The following AXL variants were observed in gnomAD, a reference collection of about 807,000 sequenced individuals.
The protein encoded by AXL is AXL receptor tyrosine kinase.
A neutral mutation model predicts 104.5 loss-of-function variants in AXL; 52 were observed. The observed-to-expected ratio is 0.50, with a 90% CI of 0.40 to 0.63. The LOEUF (loss-of-function observed/expected upper bound fraction) is 0.63. Among genes scored for constraint, AXL ranks in the 20% least tolerant of loss-of-function variants. AXL has a pLI of 0.00. For synonymous variants in AXL, 455 were observed against 473.7 expected, an observed-to-expected ratio of 0.96 and a Z score of 0.51; for missense variants, 1,024 against 1,188.5, an observed-to-expected ratio of 0.86 and a Z score of 2.04.
In AXL at chr19:41,219,407, C is replaced by G; in HGVS notation, c.15C>G (p.Cys5Trp). ...GTTTGGCACCCATGGCGTGGCGGTGCCCCAGGATGGGCAGGGTCCCGCTGG... is the reference window on the plus strand; with the variant it reads ...GTTTGGCACCCATGGCGTGGCGGTGGCCCAGGATGGGCAGGGTCCCGCTGG... MAWR[C>W]PRMGRVPLAW... The change falls in exon 1 of 20, where the codon TGC (cysteine) becomes TGG (tryptophan). Residue 5 changes from cysteine (C) to tryptophan (W), a missense_variant. Cys to Trp is a radical substitution (Grantham distance 215). This residue lies in a region of AXL where 124 missense variants were observed against 115.5 expected (regional missense o/e 1.07). Coordinates refer to ENST00000301178, the MANE Select transcript of AXL (RefSeq NM_021913.5). 6 of 1,601,678 alleles carry G rather than the reference C, an allele frequency of 3.7e-6. No homozygotes were observed. Among genetic ancestry groups the G allele is most frequent in the Non-Finnish European group, 4.3e-6 (5 of 1,174,558 alleles).
chr19:41,220,448 T>C lies in AXL; in HGVS notation c.86-188T>C, dbSNP rs572866677. The stretch of plus-strand genomic sequence containing the variant: ...GGGATGGACGCTAGATCCCAGTCCC[T>C]TGGGAGGGCTCCCGTCCTCCTCTCA... On this transcript the variant is annotated intron_variant, in intron 1 of 19. Coordinates refer to ENST00000301178, the MANE Select transcript of AXL (RefSeq NM_021913.5). 7.6e-4 allele frequency: 445 copies of C among 587,526 alleles called. 1 individual carries two copies. The highest frequency in any genetic ancestry group is 7.4e-3 in the African/African-American group (396 of 53,526). 36.4% of individuals were successfully genotyped at this position (587,526 alleles called of 1,614,324 possible). A position where few individuals can be genotyped will look rare whatever the true frequency, so the allele number is the denominator to read the frequency against.
At chr19:41,249,616 C>T (rs995150225) in intron 14 of AXL, among the ~76,000 whole-genome samples, 2 of 152,000 alleles carry the variant, frequency 1.3e-5, no homozygotes, top group Non-Finnish European at 2.9e-5. Flanking sequence ...ATTAGCCAGG[C>T]GTGGTGGCAG....
In AXL at chr19:41,256,518, C is replaced by G. The variant is rs1348166719; in HGVS notation, c.2103C>G (p.Asp701Glu). The G allele has an allele frequency of 6.2e-7, 1 of 1,614,054 alleles. No individual in the cohort carries two copies. Among genetic ancestry groups the G allele is most frequent in the East Asian group, 2.2e-5 (1 of 44,896 alleles). ...FGLSKKIYNG[D>E]YYRQGRIAKM... is the part of the protein sequence containing the mutation. ...TCTCCAAGAAGATCTACAATGGGGA[C>G]TACTACCGCCAGGGACGTATCGCCA... is the stretch of plus-strand genomic sequence containing the variant. Residue 701 changes from aspartate (D) to glutamate (E), a missense_variant, in exon 18 of 20, where the codon GAC becomes GAG. This residue lies in a region of AXL where 523 missense variants were observed against 636.0 expected (regional missense o/e 0.82). Coordinates refer to ENST00000301178, the MANE Select transcript of AXL (RefSeq NM_021913.5).
intron 8 of AXL, 39 bp from the exon 9 acceptor site, chr19:41,239,125 G>T (rs566859038): frequency 6.2e-7 from 1 of 1,609,868 alleles, no homozygotes; most frequent in Non-Finnish European, 8.5e-7. Flanking sequence ...ACAGCTGGGG[G>T]GTAAGGTTCT....
rs569530972 is a variant in AXL, at chr19:41,230,343, G to A, written c.587-624G>A. Among the ~76,000 whole-genome samples, 5 of 151,108 alleles carry A rather than the reference G, an allele frequency of 3.3e-5. No homozygotes were observed. The East Asian group carries it at 5.9e-4, about 18-fold the overall frequency. On this transcript the variant is annotated intron_variant, in intron 4 of 19. Transcript: ENST00000301178. ...AGAATGTGTGTGTGTGTGTGTATGC[G>A]CCTGTGCCTGTGTGTGTGTCTGAGC...
intron 4 of AXL, among the ~76,000 whole-genome samples, chr19:41,230,157 GTGTC>G (rs2033952525): frequency 7.0e-6 from 1 of 142,716 alleles, no homozygotes; most frequent in South Asian, 2.2e-4. Context: ...GTCTGTTTCT[GTGTC>G]TGTGTCTGTG....
chr19:41,261,509 C>A lies in AXL; in HGVS notation c.*1605C>A, dbSNP rs751403022. On this transcript the variant is annotated 3_prime_UTR_variant, in exon 20 of 20. Coordinates refer to ENST00000301178, the MANE Select transcript of AXL (RefSeq NM_021913.5). ...ATTAGGTGCAATTTCAAGGTTCTAA[C>A]CCTATACTGTAGTATTCTTTGGGGT... 1.3e-5 allele frequency: 2 copies of A among 152,440 alleles called. No individual in the cohort carries two copies. Among genetic ancestry groups the A allele is most frequent in the African/African-American group, 4.8e-5 (2 of 41,466 alleles). The allele number at this position is 152,440 out of a possible 1,614,324, so 9.4% of individuals were successfully genotyped here. A position where few individuals can be genotyped will look rare whatever the true frequency, so the allele number is the denominator to read the frequency against.
chr19:41,227,992 A>G (rs970762778), intron 4 of AXL, among the ~76,000 whole-genome samples: 1 of 152,154 alleles, frequency 6.6e-6, no homozygotes, highest in Non-Finnish European at 1.5e-5. Flanking sequence ...ACGGCATGCA[A>G]TTTAAAACTT....
In AXL at chr19:41,252,838, G is replaced by A; in HGVS notation, c.1805-8G>A. ...AGCAGGAGTGACAGGGCTACCTGGG[G>A]GGCTCAGGTGTCTGTTTCCAGGGTT... On this transcript the variant is annotated splice_polypyrimidine_tract_variant and splice_region_variant and intron_variant, in intron 15 of 19. Transcript: ENST00000301178. 6.2e-7 allele frequency: 1 copy of A among 1,613,706 alleles called. No homozygotes were observed. Among genetic ancestry groups the A allele is most frequent in the South Asian group, 1.1e-5 (1 of 91,052 alleles).
chr19:41,221,826 G>A (rs549291450), intron 3 of AXL, 54 bp from the exon 4 acceptor site: 3 of 1,578,470 alleles, frequency 1.9e-6, no homozygotes, highest in African/African-American at 2.7e-5. Flanking sequence ...TGGTGAGTCA[G>A]GCATCTTGGG....
chr19:41,239,755 AC>A (rs771826779), intron 10 of AXL, 35 bp downstream of exon 10: 33 of 1,612,040 alleles, frequency 2.0e-5, no homozygotes, highest in Non-Finnish European at 2.7e-5. Flanking sequence ...CTCCTTCCCT[AC>A]CCTCAACACC....
chr19:41,257,367 C>T, intron 18 of AXL, 126 bp from the exon 19 acceptor site: 1 of 1,310,490 alleles, frequency 7.6e-7, no homozygotes, highest in Middle Eastern at 2.5e-4. Context: ...TCTATGAATA[C>T]TTGTGATGCT....
Position 41,254,389 on chromosome 19 carries a change from AAAAAG to A in AXL, c.2036+685_2036+689del, listed in dbSNP as rs1193347250. On this transcript the variant is annotated intron_variant, in intron 17 of 19. Transcript: ENST00000301178. Reference sequence around the variant, plus strand: ...AAGACTCTGTCTCAAAAAAAAAAAAAAAAAGAAAGAAAGAAAGAAAGAAAGAAAAA... The same window carrying A: ...AAGACTCTGTCTCAAAAAAAAAAAAAAAAGAAAGAAAGAAAGAAAGAAAAA... Among the ~76,000 whole-genome samples, 515 of 149,988 alleles carry A rather than the reference AAAAAG, an allele frequency of 3.4e-3. 2 individuals carry two copies. The highest frequency in any genetic ancestry group is 0.012 in the African/African-American group (475 of 40,704).
chr19:41,235,878 G>C (rs946711762), intron 6 of AXL, among the ~76,000 whole-genome samples: 1 of 152,198 alleles, frequency 6.6e-6, no homozygotes, highest in Non-Finnish European at 1.5e-5. Flanking sequence ...CATGTTGGAC[G>C]TGTTTTATCT....
intron 6 of AXL, among the ~76,000 whole-genome samples, chr19:41,237,277 C>G (rs1343103804): frequency 6.6e-6 from 1 of 152,172 alleles, no homozygotes; most frequent in Non-Finnish European, 1.5e-5. Flanking sequence ...GAGTCTTGCT[C>G]TGTTACCCAG....
chr19:41,239,892 A>G (rs1019563991), intron 10 of AXL, among the ~76,000 whole-genome samples, 172 bp downstream of exon 10: 14 of 152,190 alleles, frequency 9.2e-5, no homozygotes, highest in African/African-American at 3.4e-4. Context: ...GGCCTAGCAT[A>G]GCACATTGTA....
chr19:41,233,625 G>A (rs2034030858), intron 6 of AXL, among the ~76,000 whole-genome samples: 2 of 147,190 alleles, frequency 1.4e-5, no homozygotes, highest in South Asian at 4.3e-4. Flanking sequence ...GTAAGACTCT[G>A]TCTGAGAAAA....
At chr19:41,250,720 T>A (rs1359571350) in intron 14 of AXL, among the ~76,000 whole-genome samples, 1 of 152,106 alleles carries the variant, frequency 6.6e-6, no homozygotes, top group East Asian at 1.9e-4. Context: ...GGATTACAGG[T>A]GTGAGCCACC....
chr19:41,251,932 T>G (rs1187838043), intron 14 of AXL, among the ~76,000 whole-genome samples: 1 of 150,330 alleles, frequency 6.7e-6, no homozygotes, highest in Non-Finnish European at 1.5e-5. Context: ...GCTAACAAGG[T>G]GAAACCCCGT....
Sources: gnomAD v4.1 joint callset for allele counts (sites outside exome capture counted in the v4.1 genomes callset) on GRCh38, gnomAD v4.1.1 for gene constraint, gnomAD v4.1.1 regional missense constraint, MANE v1.5 for transcripts, NCBI Gene and HGNC (gene_info 2026-07-23, HGNC 2026-07-21) for gene names.